TMEM17: variants seen among roughly 807,000 people sequenced by gnomAD.
The protein encoded by TMEM17 is transmembrane protein 17.
Under a neutral mutation model 19.1 loss-of-function variants are expected in TMEM17, and 15 were observed. The observed-to-expected ratio is 0.78, with a 90% CI of 0.52 to 1.21. TMEM17 has a LOEUF of 1.21. Among genes scored for constraint, TMEM17 ranks in the 50% most tolerant of loss-of-function variants. The pLI, the probability that TMEM17 is intolerant of heterozygous loss-of-function variation, is 0.00. For missense variants in TMEM17, 245 were observed against 242.3 expected (o/e 1.01, Z -0.07); for synonymous variants, 103 against 86.9 (o/e 1.19, Z -1.03).
chr2:62,476,592 C>G, the TMEM17 span, among the ~76,000 whole-genome samples: 1 of 152,302 alleles, frequency 6.6e-6, no homozygotes, highest in East Asian at 1.9e-4. Flanking sequence ...GTTGCACCAT[C>G]ATAAATCAGG....
At chr2:62,462,821 T>C in the TMEM17 span, among the ~76,000 whole-genome samples, 2 of 152,164 alleles carry the variant, frequency 1.3e-5, no homozygotes, top group Non-Finnish European at 2.9e-5. Context: ...CTCCTTTCTC[T>C]ACCTTTTCTC....
the TMEM17 span, among the ~76,000 whole-genome samples, chr2:62,478,182 G>C: frequency 6.6e-6 from 1 of 152,184 alleles, no homozygotes; most frequent in African/African-American, 2.4e-5. Flanking sequence ...TTGGGAAAAG[G>C]GTCAAAGAGC....
At chr2:62,473,379 A>T in the TMEM17 span, among the ~76,000 whole-genome samples, 1 of 152,164 alleles carries the variant, frequency 6.6e-6, no homozygotes, top group Non-Finnish European at 1.5e-5. Context: ...AGGACTTAGG[A>T]GGTGAGAACA....
chr2:62,478,389 G>A, the TMEM17 span, among the ~76,000 whole-genome samples: 6 of 152,176 alleles, frequency 3.9e-5, no homozygotes, highest in African/African-American at 7.2e-5. Flanking sequence ...GAGAAGGCAG[G>A]AATGAGGAAG....
the TMEM17 span, among the ~76,000 whole-genome samples, chr2:62,492,218 A>C: frequency 6.6e-6 from 1 of 152,182 alleles, no homozygotes; most frequent in African/African-American, 2.4e-5. Context: ...GAACCAGACA[A>C]GGTTAGGTCT....
chr2:62,501,646 T>C lies in TMEM17; in HGVS notation c.319-159A>G, dbSNP rs113410807. On this transcript the variant is annotated intron_variant, in intron 3 of 3. Coordinates refer to ENST00000335390, the MANE Select transcript of TMEM17 (RefSeq NM_198276.3). ...GTCCTTGTCCTCAGAGAACTTACAG[T>C]CTAGATGAGAAAACTAATTCATGTA... 20 of 685,428 alleles carry C rather than the reference T, an allele frequency of 2.9e-5. 1 individual carries two copies. The highest frequency in any genetic ancestry group is 1.4e-4 in the African/African-American group (8 of 55,440). 42.5% of individuals were successfully genotyped at this position (685,428 alleles called of 1,614,324 possible). A position where few individuals can be genotyped will look rare whatever the true frequency, so the allele number is the denominator to read the frequency against.
chr2:62,496,298 C>T (rs998607149), downstream of TMEM17, among the ~76,000 whole-genome samples: 9 of 152,284 alleles, frequency 5.9e-5, no homozygotes, highest in African/African-American at 2.2e-4. Flanking sequence ...ATTTCACTTC[C>T]AGGAATCTGG....
At chr2:62,461,268 G>A in the TMEM17 span, among the ~76,000 whole-genome samples, 3 of 152,218 alleles carry the variant, frequency 2.0e-5, no homozygotes, top group Non-Finnish European at 4.4e-5. Context: ...GGGATTTAAC[G>A]TAAACAGGCC....
downstream of TMEM17, among the ~76,000 whole-genome samples, chr2:62,499,008 C>A (rs571974171): frequency 6.6e-6 from 1 of 152,166 alleles, no homozygotes; most frequent in Admixed American, 6.5e-5. Context: ...TTGGTTCAGC[C>A]TAACACAAAA....
the TMEM17 span, among the ~76,000 whole-genome samples, chr2:62,493,291 G>C: frequency 2.0e-5 from 3 of 152,156 alleles, no homozygotes; most frequent in Admixed American, 1.3e-4. Context: ...GCCTTGCAAA[G>C]TGCTAAGATT....
chr2:62,465,844 AC>A, the TMEM17 span, among the ~76,000 whole-genome samples: 1 of 152,194 alleles, frequency 6.6e-6, no homozygotes, highest in Non-Finnish European at 1.5e-5. Context: ...GTGGAAAGGT[AC>A]CCAGTACGTT....
At chr2:62,459,528 G>A in the TMEM17 span, among the ~76,000 whole-genome samples, 2 of 152,200 alleles carry the variant, frequency 1.3e-5, no homozygotes, top group Non-Finnish European at 2.9e-5. Context: ...TTTCCCGGCT[G>A]TCACAACAAG....
the TMEM17 span, among the ~76,000 whole-genome samples, chr2:62,477,133 A>G: frequency 6.6e-6 from 1 of 152,232 alleles, no homozygotes; most frequent in Admixed American, 6.5e-5. Flanking sequence ...GCAGTGGCTC[A>G]CGCCTGTAAT....
At chr2:62,474,298 G>A in the TMEM17 span, among the ~76,000 whole-genome samples, 1 of 152,140 alleles carries the variant, frequency 6.6e-6, no homozygotes, top group Non-Finnish European at 1.5e-5. Context: ...ATATTTAAAT[G>A]AGATCTATAT....
At chr2:62,469,853 C>T in the TMEM17 span, among the ~76,000 whole-genome samples, 2 of 152,228 alleles carry the variant, frequency 1.3e-5, no homozygotes, top group African/African-American at 4.8e-5. Flanking sequence ...CATTGGCTGC[C>T]TGGGCAGCCT....
At chr2:62,474,697 A>G in the TMEM17 span, among the ~76,000 whole-genome samples, 3,412 of 152,238 alleles carry the variant, frequency 0.022, 137 homozygotes, top group African/African-American at 0.078. Context: ...GTAGCATGAC[A>G]GACTTTTCTA....
At chr2:62,496,236 G>C (rs1238495022), downstream of TMEM17, among the ~76,000 whole-genome samples, 1 of 152,146 alleles carries the variant, frequency 6.6e-6, no homozygotes, top group African/African-American at 2.4e-5. Context: ...GAAAGTGGAT[G>C]TTTTAATTTG....
the TMEM17 span, among the ~76,000 whole-genome samples, chr2:62,484,892 A>C: frequency 6.6e-5 from 10 of 152,236 alleles, no homozygotes; most frequent in Non-Finnish European, 2.9e-5. Flanking sequence ...TCAGACAAGC[A>C]GAATGAGATA....
At chr2:62,505,257 A>C (rs998014874) in intron 1 of TMEM17, among the ~76,000 whole-genome samples, 4 of 152,198 alleles carry the variant, frequency 2.6e-5, no homozygotes, top group African/African-American at 9.6e-5. Flanking sequence ...ATCATGATGT[A>C]GGAGGAGGAA....
Sources: gnomAD v4.1 joint callset for allele counts (sites outside exome capture counted in the v4.1 genomes callset) on GRCh38, gnomAD v4.1.1 for gene constraint, MANE v1.5 for transcripts, NCBI Gene and HGNC (gene_info 2026-07-23, HGNC 2026-07-21) for gene names.